NELL1: variants seen among roughly 807,000 people sequenced by gnomAD.
NELL1 encodes protein kinase C-binding protein NELL1.
A neutral mutation model predicts 107.4 loss-of-function variants in NELL1; 76 were observed. The ratio of observed to expected loss-of-function variants is 0.71; its 90% confidence interval spans 0.59 to 0.86. The LOEUF (loss-of-function observed/expected upper bound fraction) is 0.86. Among genes scored for constraint, NELL1 ranks in the 40% least tolerant of loss-of-function variants. The pLI is 0.00. For missense variants in NELL1, 1,024 were observed against 1,005.5 expected (o/e 1.02, Z -0.25); for synonymous variants, 353 against 341.2 (o/e 1.03, Z -0.38).
intron 13 of NELL1, among the ~76,000 whole-genome samples, chr11:21,214,809 G>T (rs10833477): frequency 0.088 from 13,187 of 149,912 alleles, 676 homozygotes; most frequent in African/African-American, 0.14. Flanking sequence ...GGGTGGGAAA[G>T]GTTGAGTGGG....
intron 3 of NELL1, among the ~76,000 whole-genome samples, chr11:20,846,404 G>C (rs749685246): frequency 7.9e-5 from 12 of 152,164 alleles, no homozygotes; most frequent in Non-Finnish European, 1.2e-4. Context: ...AATACCCTTT[G>C]GCTTGTGGGG....
At chr11:20,784,990 T>G (rs1430810398) in intron 3 of NELL1, among the ~76,000 whole-genome samples, 1 of 152,228 alleles carries the variant, frequency 6.6e-6, no homozygotes, top group Non-Finnish European at 1.5e-5. Flanking sequence ...CTGAATTAAA[T>G]GCATTAGGTT....
chr11:21,556,812 A>C (rs1256726405), intron 16 of NELL1, among the ~76,000 whole-genome samples: 3 of 152,002 alleles, frequency 2.0e-5, no homozygotes, highest in African/African-American at 7.2e-5. Flanking sequence ...AAGAAGAAAC[A>C]CAGAGAGATC....
At chr11:21,085,892 A>G (rs1854380363) in intron 12 of NELL1, among the ~76,000 whole-genome samples, 1 of 152,194 alleles carries the variant, frequency 6.6e-6, no homozygotes, top group Non-Finnish European at 1.5e-5. Context: ...TGATTTATGT[A>G]TTTCACAAAA....
At chr11:21,280,701 G>T (rs1848972350) in intron 14 of NELL1, among the ~76,000 whole-genome samples, 1 of 152,074 alleles carries the variant, frequency 6.6e-6, no homozygotes, top group Non-Finnish European at 1.5e-5. Flanking sequence ...GTTACTGCAA[G>T]CCTCAGCAAA....
At chr11:20,673,153 C>T (rs1165323783) in intron 1 of NELL1, among the ~76,000 whole-genome samples, 3 of 152,090 alleles carry the variant, frequency 2.0e-5, no homozygotes, top group South Asian at 2.1e-4. Context: ...TGAGCCACTG[C>T]GCCTGGCCAA....
At chr11:20,738,112 T>G (rs984307293) in intron 2 of NELL1, among the ~76,000 whole-genome samples, 3 of 152,008 alleles carry the variant, frequency 2.0e-5, no homozygotes, top group African/African-American at 4.8e-5. Context: ...CATAGAAGAT[T>G]GTAAGATCAC....
chr11:21,392,306 A>G (rs922861282), intron 15 of NELL1, among the ~76,000 whole-genome samples: 5 of 151,782 alleles, frequency 3.3e-5, no homozygotes, highest in Non-Finnish European at 7.4e-5. Flanking sequence ...ACTGTTCCCC[A>G]TAGTTTCAGA....
chr11:21,069,149 C>T (rs577727702), intron 12 of NELL1, among the ~76,000 whole-genome samples: 2 of 152,252 alleles, frequency 1.3e-5, no homozygotes, highest in East Asian at 1.9e-4. Context: ...AGAATTTGGA[C>T]ACAGGAAGAA....
rs779127451 is a variant in NELL1, at chr11:20,847,674, C to T, written c.427C>T (p.Arg143Cys). The change falls in exon 4 of 20, where the codon CGC becomes TGC. Residue 143 changes from arginine (R) to cysteine (C), a missense_variant. Arg to Cys is a radical substitution (Grantham distance 180). Transcript: ENST00000357134. ...GKPRTEALPY[R>C]MADGQWHKVA... ...GCCAAGGACAGAGGCACTTCCTTAC[C>T]GCATGGCAGATGGACAATGGCACAA... is the stretch of plus-strand genomic sequence containing the variant. 8.1e-6 allele frequency: 13 copies of T among 1,613,710 alleles called. No homozygotes were observed. Among genetic ancestry groups the T allele is most frequent in the Admixed American group, 1.7e-5 (1 of 59,932 alleles).
At chr11:21,488,072 T>G (rs1390675709) in intron 15 of NELL1, among the ~76,000 whole-genome samples, 3 of 151,290 alleles carry the variant, frequency 2.0e-5, no homozygotes, top group Non-Finnish European at 2.9e-5. Context: ...CTGACTTCAG[T>G]TCAGAAATAC....
intron 2 of NELL1, among the ~76,000 whole-genome samples, chr11:20,731,307 T>C (rs981309074): frequency 6.6e-6 from 1 of 152,234 alleles, no homozygotes; most frequent in Non-Finnish European, 1.5e-5. Flanking sequence ...TGAGGTTCTG[T>C]TGCACAAATT....
chr11:21,482,376 G>A (rs1410490406), intron 15 of NELL1, among the ~76,000 whole-genome samples: 1 of 152,176 alleles, frequency 6.6e-6, no homozygotes, highest in Non-Finnish European at 1.5e-5. Flanking sequence ...CATGGTACTA[G>A]AGAGGGAATA....
At chr11:21,514,749 C>T (rs1037600378) in intron 15 of NELL1, among the ~76,000 whole-genome samples, 3 of 147,448 alleles carry the variant, frequency 2.0e-5, no homozygotes, top group Non-Finnish European at 1.5e-5. Context: ...TGTGGGAATA[C>T]ATCTGTCACA....
intron 9 of NELL1, among the ~76,000 whole-genome samples, chr11:20,931,794 A>AT (rs574868501): frequency 3.2e-4 from 49 of 151,006 alleles, no homozygotes; most frequent in Non-Finnish European, 5.6e-4. Flanking sequence ...ATTTTTTTTC[A>AT]TTTTTTTTGT....
At position 20,885,528 on chromosome 11, in the gene NELL1, T is replaced by C. The variant is rs1849491766; in HGVS notation, c.591T>C (p.His197=). The C allele has an allele frequency of 3.1e-6, 5 of 1,606,708 alleles. No individual in the cohort carries two copies. Among genetic ancestry groups the C allele is most frequent in the Non-Finnish European group, 4.3e-6 (5 of 1,173,338 alleles). ...GGCTTGGCCAGCGCAACCAAAAGCA[T>C]GGCTTATTCAAAGTAAGCACTAACG... is the stretch of plus-strand genomic sequence containing the variant. ...NLWLGQRNQK[H]GLFKGIIQDG... Residue 197 remains histidine (H), a synonymous_variant, in exon 5 of 20, where the codon CAT becomes CAC. Coordinates refer to ENST00000357134, the MANE Select transcript of NELL1 (RefSeq NM_006157.5).
At chr11:21,003,855 G>T (rs1852275600) in intron 12 of NELL1, among the ~76,000 whole-genome samples, 1 of 151,854 alleles carries the variant, frequency 6.6e-6, no homozygotes, top group Non-Finnish European at 1.5e-5. Context: ...TTGAAGTTCA[G>T]TACCTCTAAA....
At chr11:20,747,313 C>T (rs1045796631) in intron 2 of NELL1, among the ~76,000 whole-genome samples, 16 of 152,158 alleles carry the variant, frequency 1.1e-4, no homozygotes, top group Non-Finnish European at 2.4e-4. Flanking sequence ...TGCATCTAAA[C>T]ATGATTTCTT....
At chr11:21,454,147 C>T (rs1486181429) in intron 15 of NELL1, among the ~76,000 whole-genome samples, 8 of 140,374 alleles carry the variant, frequency 5.7e-5, no homozygotes, top group African/African-American at 2.1e-4. Context: ...TCTCATTGTT[C>T]AATTCCCACC....
Sources: gnomAD v4.1 joint callset for allele counts (sites outside exome capture counted in the v4.1 genomes callset) on GRCh38, gnomAD v4.1.1 for gene constraint, MANE v1.5 for transcripts, NCBI Gene and HGNC (gene_info 2026-07-23, HGNC 2026-07-21) for gene names.